Variants in ZNF326 observed in about 807,000 individuals in gnomAD.
ZNF326 encodes the protein DBIRD complex subunit ZNF326.
A neutral mutation model predicts 63.1 loss-of-function variants in ZNF326; 30 were observed. That is an observed-to-expected ratio of 0.48 (90% CI 0.36 to 0.64). The LOEUF (loss-of-function observed/expected upper bound fraction) is 0.64. ZNF326 is among the 30% of genes least tolerant of loss of function. The pLI is 0.00. For missense variants in ZNF326, 609 were observed against 720.3 expected, an observed-to-expected ratio of 0.85 and a Z score of 1.77; for synonymous variants, 194 against 228.2, an observed-to-expected ratio of 0.85 and a Z score of 1.35.
intron 11 of ZNF326, among the ~76,000 whole-genome samples, chr1:90,026,410 C>T (rs1336380799): frequency 2.0e-5 from 3 of 152,130 alleles, no homozygotes; most frequent in South Asian, 2.1e-4. Flanking sequence ...GCAGGCAATT[C>T]GTAAATGTAA....
At position 90,033,211 on chromosome 1, in the gene ZNF326, A is replaced by G. The variant is rs1650348406; in HGVS notation, c.*5510A>G. The G allele has an allele frequency of 6.6e-6, 1 of 152,188 alleles. No individual in the cohort carries two copies. The highest frequency in any genetic ancestry group is 2.4e-5 in the African/African-American group (1 of 41,450). The allele number at this position is 152,188 out of a possible 1,614,324, so 9.4% of individuals were successfully genotyped here. On this transcript the variant is annotated 3_prime_UTR_variant, in exon 12 of 12. Coordinates refer to ENST00000340281, the MANE Select transcript of ZNF326 (RefSeq NM_182976.4). ...ATTTTTAAAGGGTTGTAGAACACCA[A>G]AACAATATATGACAGATACTGTGTT...
At chr1:90,012,595 G>A (rs568871051) in intron 6 of ZNF326, among the ~76,000 whole-genome samples, 4 of 152,130 alleles carry the variant, frequency 2.6e-5, no homozygotes, top group African/African-American at 9.6e-5. Flanking sequence ...TATGTTTTGT[G>A]TATTTTATCA....
chr1:90,015,998 A>T (rs1334467554), intron 7 of ZNF326, among the ~76,000 whole-genome samples: 1 of 152,138 alleles, frequency 6.6e-6, no homozygotes, highest in Non-Finnish European at 1.5e-5. Flanking sequence ...AATTTCCTGG[A>T]TGGCAGCTGA....
At position 90,028,474 on chromosome 1, in the gene ZNF326, C is replaced by G. The variant is rs534065950; in HGVS notation, c.*773C>G. 1 of 152,208 alleles carries G rather than the reference C, an allele frequency of 6.6e-6. No homozygotes were observed. The highest frequency in any genetic ancestry group is 2.1e-4 in the South Asian group (1 of 4,828). 9.4% of individuals were successfully genotyped at this position (152,208 alleles called of 1,614,324 possible). A position where few individuals can be genotyped will look rare whatever the true frequency, so the allele number is the denominator to read the frequency against. On this transcript the variant is annotated 3_prime_UTR_variant, in exon 12 of 12. Transcript: ENST00000340281. The stretch of plus-strand genomic sequence containing the variant: ...TATTTATACTCTTTTTAAGTTTGTT[C>G]CTTTTCCCTGTGCCTGTGTCAAATC...
At chr1:90,021,057 C>A in intron 10 of ZNF326, 135 bp downstream of exon 10, 1 of 936,776 alleles carries the variant, frequency 1.1e-6, no homozygotes. Flanking sequence ...TAAGTATACT[C>A]AGAGAGGCAG....
intron 10 of ZNF326, 42 bp from the exon 11 acceptor site, chr1:90,022,208 G>A (rs1649803565): frequency 7.3e-7 from 1 of 1,367,988 alleles, no homozygotes; most frequent in Non-Finnish European, 1.0e-6. Flanking sequence ...ATTTTTCATG[G>A]CATGGTTTTC....
rs909615278 is a variant in ZNF326 at position 89,995,237 on chromosome 1, C to G, written c.-21C>G. 1.3e-6 allele frequency: 2 copies of G among 1,547,138 alleles called. No individual in the cohort carries two copies. On this transcript the variant is annotated 5_prime_UTR_variant, in exon 1 of 12. Transcript: ENST00000340281. The stretch of plus-strand genomic sequence containing the variant: ...TAGCTCAGCCTAGCGCCGCCAAGGC[C>G]GACGGCCCTCAGCCTCTGCCATGGA...
rs1157480744 is a variant in ZNF326 at position 90,027,587 on chromosome 1, G to A, written c.1635G>A (p.Gly545=). The A allele has an allele frequency of 5.0e-6, 8 of 1,610,998 alleles. No homozygotes were observed. Among genetic ancestry groups the A allele is most frequent in the Non-Finnish European group, 5.1e-6 (6 of 1,178,336 alleles). Residue 545 remains glycine, a synonymous_variant, in exon 12 of 12, where the codon GGG becomes GGA. Transcript: ENST00000340281. ...GAGTAGGGGAAGGAGGGGAAGTAGG[G>A]GTAGTGGGAGAAGTAGAGGGAGTGG... The part of the protein sequence containing the change: ...IQGVGEGGEV[G]VVGEVEGVGE...
chr1:90,027,258 C>A, intron 11 of ZNF326, 96 bp from the exon 12 acceptor site: 1 of 1,133,488 alleles, frequency 8.8e-7, no homozygotes, highest in Non-Finnish European at 1.3e-6. Flanking sequence ...TTCAAAATGG[C>A]ATTTATTTCT....
chr1:90,004,196 T>C (rs1045116445), intron 2 of ZNF326, among the ~76,000 whole-genome samples: 42 of 152,316 alleles, frequency 2.8e-4, no homozygotes, highest in African/African-American at 1.0e-3. Flanking sequence ...AGTTTTTTTT[T>C]TTTAGTGTTC....
At chr1:89,999,731 C>T (rs1249480408) in intron 2 of ZNF326, among the ~76,000 whole-genome samples, 1 of 152,162 alleles carries the variant, frequency 6.6e-6, no homozygotes, top group African/African-American at 2.4e-5. Context: ...CAATGCTTGA[C>T]AGTACTTCTA....
In ZNF326 at chr1:90,007,838, C is replaced by A; in HGVS notation, c.615+88C>A. 8.1e-7 allele frequency: 1 copy of A among 1,227,492 alleles called. No homozygotes were observed. Among genetic ancestry groups the A allele is most frequent in the Non-Finnish European group, 1.1e-6 (1 of 936,726 alleles). The allele number at this position is 1,227,492 out of a possible 1,614,324, so 76.0% of individuals were successfully genotyped here. ...CCATCGTTTTCAACTAGAATAAACACTGTTCATCCCGGTGTATTTTGAAGC... is the reference window on the plus strand; with the variant it reads ...CCATCGTTTTCAACTAGAATAAACAATGTTCATCCCGGTGTATTTTGAAGC... On this transcript the variant is annotated intron_variant, in intron 5 of 11. Transcript: ENST00000340281. The surrounding 1 kb of genome is among the most constrained non-coding windows in gnomAD (Gnocchi z 4.9).
intron 11 of ZNF326, among the ~76,000 whole-genome samples, chr1:90,026,969 GT>G (rs1485406036): frequency 2.0e-5 from 3 of 152,028 alleles, no homozygotes; most frequent in Non-Finnish European, 2.9e-5. Context: ...AAGAGATTCT[GT>G]AACATTAATA....
chr1:90,025,950 G>C (rs983857396), intron 11 of ZNF326, among the ~76,000 whole-genome samples: 1 of 149,860 alleles, frequency 6.7e-6, no homozygotes, highest in African/African-American at 2.5e-5. Flanking sequence ...GTTTCCTCCT[G>C]CACCAAGTGT....
At chr1:90,024,084 G>C (rs2772321) in intron 11 of ZNF326, among the ~76,000 whole-genome samples, 94,197 of 151,990 alleles carry the variant, frequency 0.62, 29,584 homozygotes, top group East Asian at 0.9. Flanking sequence ...CCTGTCTGCT[G>C]TGTTCCCTGT....
intron 4 of ZNF326, chr1:90,005,464 C>T (rs1452065417): frequency 1.6e-5 from 20 of 1,245,610 alleles, no homozygotes; most frequent in Non-Finnish European, 1.9e-5. Flanking sequence ...TATATCATGT[C>T]AATATAATAG....
rs747402283 is a variant in ZNF326, at chr1:90,027,395, G to A, written c.1443G>A (p.Gln481=). ...AAATTCAAGACCATTCTCAGGATCAGCAAATAGAAGGAGATGAGGAGGATG... is the reference window on the plus strand; with the variant it reads ...AAATTCAAGACCATTCTCAGGATCAACAAATAGAAGGAGATGAGGAGGATG... ...PFEIQDHSQD[Q]QIEGDEEDEE... is the part of the protein sequence containing the mutation. The change falls in exon 12 of 12, where the codon CAG becomes CAA. Residue 481 remains glutamine, a synonymous_variant. Transcript: ENST00000340281. The A allele has an allele frequency of 1.2e-6, 2 of 1,613,936 alleles. No individual in the cohort carries two copies. Among genetic ancestry groups the A allele is most frequent in the Non-Finnish European group, 1.7e-6 (2 of 1,179,972 alleles).
At chr1:90,000,737 G>A (rs968585099) in intron 2 of ZNF326, among the ~76,000 whole-genome samples, 3 of 152,128 alleles carry the variant, frequency 2.0e-5, no homozygotes, top group African/African-American at 7.2e-5. Flanking sequence ...TTTTTGCTGA[G>A]CAATCTTAAG....
In ZNF326 at chr1:90,013,224, G is replaced by A. The variant is rs140726228; in HGVS notation, c.913G>A (p.Gly305Arg). The A allele has an allele frequency of 1.9e-6, 3 of 1,606,716 alleles. No individual in the cohort carries two copies. The highest frequency in any genetic ancestry group is 3.4e-5 in the Admixed American group (2 of 58,996). The change falls in exon 7 of 12, where the codon GGA (glycine) becomes AGA (arginine). Residue 305 changes from glycine (G) to arginine (R), a missense_variant. Gly to Arg is a moderately radical substitution (Grantham distance 125). Coordinates refer to ENST00000340281, the MANE Select transcript of ZNF326 (RefSeq NM_182976.4). The part of the protein sequence containing the change: ...RRREKNSEKY[G>R]DGYRMAFTCS... ...AAGAGAAAAAAACAGTGAGAAATACGGAGATGGATACAGGTTTGTACTTAG... is the reference window on the plus strand; with the variant it reads ...AAGAGAAAAAAACAGTGAGAAATACAGAGATGGATACAGGTTTGTACTTAG...
Sources: allele counts gnomAD v4.1 joint callset (sites outside exome capture counted in the v4.1 genomes callset), GRCh38; gene constraint gnomAD v4.1.1; non-coding constraint Gnocchi (gnomAD v3.1); transcripts MANE v1.5; gene names NCBI Gene and HGNC (gene_info 2026-07-23, HGNC 2026-07-21).